SFMBT1: variants seen among roughly 807,000 people sequenced by gnomAD.
The protein encoded by SFMBT1 is Scm like with four mbt domains 1.
SFMBT1 carries 32 observed loss-of-function variants against 108.7 expected under a neutral mutation model. That is an observed-to-expected ratio of 0.29 (90% CI 0.22 to 0.40). The LOEUF is 0.40. Ranked by LOEUF, SFMBT1 falls within the 10% of genes least tolerant of loss-of-function variation. The probability of loss-of-function intolerance (pLI) is 1.00; values close to 1 mark genes in which losing one functional copy is unlikely to be tolerated. For missense variants in SFMBT1, 816 were observed against 1,059.6 expected (o/e 0.77, Z 3.19); for synonymous variants, 348 against 369.5 (o/e 0.94, Z 0.67).
rs200651223 is a variant in SFMBT1 at position 52,991,048 on chromosome 3, TACCTAGC to T, written c.-130-21797_-130-21791del. Among the ~76,000 whole-genome samples, 1,806 of 152,372 alleles carry T rather than the reference TACCTAGC, an allele frequency of 0.012. 113 individuals are homozygous for T. The South Asian group carries it at 0.17, about 14-fold the overall frequency. ...GTCTGCATAGTATCTTCAGCAACTA[TACCTAGC>T]ACTGCATTTTTACATACATTAAGCC... On this transcript the variant is annotated intron_variant, in intron 1 of 20. Coordinates refer to ENST00000394752, the MANE Select transcript of SFMBT1 (RefSeq NM_016329.4).
At chr3:52,920,691 CTTT>C (rs769836181) in intron 11 of SFMBT1, 41 bp from the exon 12 acceptor site, 5 of 1,225,098 alleles carry the variant, frequency 4.1e-6, no homozygotes. Context: ...ACAAACAAAC[CTTT>C]TTTTAGACCA....
At chr3:52,924,664 CA>C (rs1371228497) in intron 10 of SFMBT1, among the ~76,000 whole-genome samples, 1 of 118,214 alleles carries the variant, frequency 8.5e-6, no homozygotes, top group African/African-American at 3.1e-5. Context: ...AAACAAACAA[CA>C]ACAACAACAA....
intron 1 of SFMBT1, among the ~76,000 whole-genome samples, chr3:53,004,983 T>G (rs1698689451): frequency 6.6e-6 from 1 of 152,190 alleles, no homozygotes; most frequent in Non-Finnish European, 1.5e-5. Flanking sequence ...TAGTATAAAG[T>G]TTAATAATTT....
chr3:52,961,234 G>A (rs1301742912), intron 2 of SFMBT1, among the ~76,000 whole-genome samples: 1 of 152,198 alleles, frequency 6.6e-6, no homozygotes, highest in Non-Finnish European at 1.5e-5. Context: ...ACCTACAGTA[G>A]TCAAATTCAT....
rs189387552 is a variant in SFMBT1, at chr3:52,997,018, G to A, written c.-130-27760C>T. On this transcript the variant is annotated intron_variant, in intron 1 of 20. Transcript: ENST00000394752. The stretch of plus-strand genomic sequence containing the variant: ...TGGGAGGCGGAGCCTGCAGTGAGCC[G>A]AGATCGCACCACTGCACTCCAGCCT... Among the ~76,000 whole-genome samples the A allele has an allele frequency of 2.5e-4, 38 of 149,430 alleles. 1 individual carries two copies. Among genetic ancestry groups the A allele is most frequent in the East Asian group, 2.4e-3 (12 of 5,104 alleles).
intron 4 of SFMBT1, among the ~76,000 whole-genome samples, chr3:52,935,816 G>A (rs1191965617): frequency 6.6e-6 from 1 of 152,116 alleles, no homozygotes; most frequent in Non-Finnish European, 1.5e-5. Flanking sequence ...CTTTTCATCA[G>A]TAGGTTTCTT....
intron 2 of SFMBT1, among the ~76,000 whole-genome samples, chr3:52,965,901 G>A (rs1704118914): frequency 6.7e-6 from 1 of 149,004 alleles, no homozygotes; most frequent in Non-Finnish European, 1.5e-5. Flanking sequence ...AGCTACTCGG[G>A]AGGCTGAGGC....
At chr3:52,991,586 C>G (rs1051069387) in intron 1 of SFMBT1, among the ~76,000 whole-genome samples, 1 of 152,008 alleles carries the variant, frequency 6.6e-6, no homozygotes, top group African/African-American at 2.4e-5. Context: ...TCAGGTGATC[C>G]GCCCACCTCG....
intron 16 of SFMBT1, 56 bp downstream of exon 16, chr3:52,912,482 C>A (rs1702239769): frequency 6.7e-7 from 1 of 1,492,164 alleles, no homozygotes; most frequent in African/African-American, 1.4e-5. Context: ...CACGCCGATT[C>A]TGTGACTTTT....
At chr3:52,981,420 T>C (rs1304181532) in intron 1 of SFMBT1, among the ~76,000 whole-genome samples, 1 of 151,972 alleles carries the variant, frequency 6.6e-6, no homozygotes, top group Non-Finnish European at 1.5e-5. Flanking sequence ...TGGAGTGCAA[T>C]GGCATGAGCT....
intron 1 of SFMBT1, among the ~76,000 whole-genome samples, chr3:52,974,831 A>G (rs1385218704): frequency 7.8e-6 from 1 of 128,746 alleles, no homozygotes; most frequent in East Asian, 2.4e-4. Flanking sequence ...CTCTATAAAA[A>G]GTAAAAAAAA....
chr3:52,952,589 G>GTC (rs1703631129), intron 3 of SFMBT1, among the ~76,000 whole-genome samples: 1 of 152,190 alleles, frequency 6.6e-6, no homozygotes. Flanking sequence ...GAAAGTCCAA[G>GTC]ATGAAGGCCC....
chr3:53,033,148 A>AT (rs1392802052), intron 1 of SFMBT1, among the ~76,000 whole-genome samples: 2 of 151,768 alleles, frequency 1.3e-5, no homozygotes, highest in African/African-American at 4.8e-5. Flanking sequence ...CTTCTACAAA[A>AT]TTTTTTAATA....
chr3:52,996,612 T>C lies in SFMBT1; in HGVS notation c.-130-27354A>G, dbSNP rs758314128. On this transcript the variant is annotated intron_variant, in intron 1 of 20. Transcript: ENST00000394752. The stretch of plus-strand genomic sequence containing the variant: ...AAAAGATAATTAGTCACTAGGGAAA[T>C]ACAAATTAAAACCACTATGAAGTAT... Among the ~76,000 whole-genome samples, 17 of 150,124 alleles carry C rather than the reference T, an allele frequency of 1.1e-4. 2 individuals carry two copies. Among genetic ancestry groups the C allele is most frequent in the Non-Finnish European group, 2.1e-4 (14 of 67,062 alleles).
At chr3:52,983,432 G>A (rs886973160) in intron 1 of SFMBT1, among the ~76,000 whole-genome samples, 6 of 152,198 alleles carry the variant, frequency 3.9e-5, no homozygotes, top group African/African-American at 1.4e-4. Context: ...AAGTTTTTGA[G>A]AAGTCAAAAG....
In SFMBT1 at chr3:52,920,675, A is replaced by C. The variant is rs776156497; in HGVS notation, c.1259-25T>G. ...CCTGTTTAGATTTAAACAAACAAAC[A>C]AACAAACAAACAAACCTTTTTTTAG... On this transcript the variant is annotated intron_variant, in intron 11 of 20. Coordinates refer to ENST00000394752, the MANE Select transcript of SFMBT1 (RefSeq NM_016329.4). The C allele has an allele frequency of 7.9e-6, 11 of 1,389,330 alleles. No individual in the cohort carries two copies. In the East Asian group the frequency reaches 2.1e-4, roughly 26 times the overall value. The allele number at this position is 1,389,330 out of a possible 1,614,324, so 86.1% of individuals were successfully genotyped here.
Position 52,906,125 on chromosome 3 carries a change from T to C in SFMBT1, c.2448A>G (p.Ile816Met). Reference sequence around the variant, plus strand: ...TATCTGTGATTACCTGGTCTAGGAATATTCTTGCTAATGGAGCACAGTCAG... The same window carrying C: ...TATCTGTGATTACCTGGTCTAGGAACATTCTTGCTAATGGAGCACAGTCAG... ...RSTDCAPLAR[I>M]FLDQEIDGQA... Residue 816 changes from isoleucine (I) to methionine (M), a missense_variant, in exon 20 of 21, where the codon ATA (isoleucine) becomes ATG (methionine). Coordinates refer to ENST00000394752, the MANE Select transcript of SFMBT1 (RefSeq NM_016329.4). The C allele has an allele frequency of 6.2e-7, 1 of 1,614,164 alleles. No homozygotes were observed. Among genetic ancestry groups the C allele is most frequent in the African/African-American group, 1.3e-5 (1 of 75,066 alleles).
intron 1 of SFMBT1, among the ~76,000 whole-genome samples, chr3:52,981,529 A>ATTTT (rs34406724): frequency 7.5e-5 from 10 of 133,030 alleles, no homozygotes; most frequent in Admixed American, 5.4e-4. Flanking sequence ...TGCTCAGCTA[A>ATTTT]TTTTTTTTTT....
chr3:53,015,102 G>A (rs1424823370), intron 1 of SFMBT1, among the ~76,000 whole-genome samples: 4 of 151,838 alleles, frequency 2.6e-5, no homozygotes, highest in African/African-American at 9.7e-5. Flanking sequence ...CACAGCTACT[G>A]AGGAGGCTGA....
Sources: allele counts gnomAD v4.1 joint callset (sites outside exome capture counted in the v4.1 genomes callset), GRCh38; gene constraint gnomAD v4.1.1; transcripts MANE v1.5; gene names NCBI Gene and HGNC (gene_info 2026-07-23, HGNC 2026-07-21).